Variants in KIAA0319L observed in about 807,000 individuals in gnomAD.
KIAA0319L encodes the protein dyslexia-associated protein KIAA0319-like protein.
A neutral mutation model predicts 120.1 loss-of-function variants in KIAA0319L; 55 were observed. That is an observed-to-expected ratio of 0.46 (90% CI 0.37 to 0.57). The LOEUF (loss-of-function observed/expected upper bound fraction) is 0.57, where lower values mean the gene tolerates loss of function less well. KIAA0319L is among the 20% of genes least tolerant of loss of function. The pLI is 0.00. For missense variants in KIAA0319L, 1,049 were observed against 1,255.3 expected (o/e 0.84, Z 2.48); for synonymous variants, 398 against 471.9 (o/e 0.84, Z 2.03).
At chr1:35,504,367 T>A (rs941374161) in intron 3 of KIAA0319L, among the ~76,000 whole-genome samples, 26 of 152,098 alleles carry the variant, frequency 1.7e-4, no homozygotes, top group Non-Finnish European at 3.5e-4. Context: ...CGGCTAACTT[T>A]TTGTATTTTT....
intron 8 of KIAA0319L, among the ~76,000 whole-genome samples, chr1:35,461,965 G>A (rs940865542): frequency 3.3e-5 from 5 of 151,920 alleles, no homozygotes; most frequent in Non-Finnish European, 7.4e-5. Context: ...GACCTTAACC[G>A]GTCTCAAAAA....
rs530871136 is a variant in KIAA0319L, at chr1:35,518,422, T to C, written c.143-11287A>G. ...ATCATGTCTTTTGCAGGAACATGGA[T>C]AGACCTGGAGGCTATTATCTTTAGC... On this transcript the variant is annotated intron_variant, in intron 2 of 20. Coordinates refer to ENST00000325722, the MANE Select transcript of KIAA0319L (RefSeq NM_024874.5). Among the ~76,000 whole-genome samples the C allele has an allele frequency of 7.4e-4, 113 of 152,302 alleles. No homozygotes were observed. In the South Asian group the frequency reaches 8.3e-3, roughly 11 times the overall value.
chr1:35,514,938 A>G (rs1645618988), intron 2 of KIAA0319L, among the ~76,000 whole-genome samples: 1 of 152,222 alleles, frequency 6.6e-6, no homozygotes, highest in South Asian at 2.1e-4. Flanking sequence ...CAGAATATAC[A>G]TTCTTCTTAT....
chr1:35,520,818 G>T (rs1458146232), intron 2 of KIAA0319L, among the ~76,000 whole-genome samples: 1 of 152,118 alleles, frequency 6.6e-6, no homozygotes, highest in Non-Finnish European at 1.5e-5. Flanking sequence ...AAGTTAGATG[G>T]GGGAGACAGA....
intron 1 of KIAA0319L, among the ~76,000 whole-genome samples, chr1:35,555,803 T>C (rs1038036676): frequency 1.3e-5 from 2 of 152,156 alleles, no homozygotes; most frequent in Non-Finnish European, 2.9e-5. Flanking sequence ...ACAGCTGTCA[T>C]CAATAGCCTG....
At chr1:35,556,564 G>A (rs1280996056) in intron 1 of KIAA0319L, 2 of 152,186 alleles carry the variant, frequency 1.3e-5, no homozygotes, top group Non-Finnish European at 2.9e-5. Context: ...TTTGTTCCTA[G>A]TTTTCAGTCT....
chr1:35,450,497 GGTTT>G lies in KIAA0319L; in HGVS notation c.2071_2074del (p.Lys691HisfsTer3). The G allele has an allele frequency of 1.9e-6, 3 of 1,611,562 alleles. No individual in the cohort carries two copies. Among genetic ancestry groups the G allele is most frequent in the Middle Eastern group, 1.7e-4 (1 of 6,048 alleles). On this transcript the variant is annotated frameshift_variant, in exon 14 of 21. Transcript: ENST00000325722. LOFTEE classifies it high-confidence loss of function. ...ATTCCCAGTTATCTTGGCTATAGGT[GGTTT>G]GTTTATTTCTAATCAAAAAGAAATC...
In KIAA0319L at chr1:35,434,919, C is replaced by T. The variant is rs200186246; in HGVS notation, c.3125G>A (p.Arg1042Lys). The T allele has an allele frequency of 9.9e-5, 159 of 1,613,144 alleles. No individual in the cohort carries two copies. The highest frequency in any genetic ancestry group is 1.3e-4 in the Non-Finnish European group (153 of 1,180,040). ...VPNGQTPLKA[R>K]SPREEIL Reference sequence around the variant, plus strand: ...CTACAGGATCTCCTCCCGCGGGCTCCTGGCCTTCAGAGGGGTCTGCCCGTT... The same window carrying T: ...CTACAGGATCTCCTCCCGCGGGCTCTTGGCCTTCAGAGGGGTCTGCCCGTT... The change falls in exon 21 of 21, where the codon AGG becomes AAG. Residue 1042 changes from arginine (R) to lysine (K), a missense_variant. Physicochemically the swap from Arg to Lys is conservative, Grantham distance 26. Transcript: ENST00000325722.
At chr1:35,496,947 CAA>C (rs754043280) in intron 3 of KIAA0319L, among the ~76,000 whole-genome samples, 307 of 50,166 alleles carry the variant, frequency 6.1e-3, no homozygotes, top group Non-Finnish European at 8.7e-3. Flanking sequence ...ATTGTGTCTC[CAA>C]AAAAAAAAAA....
chr1:35,529,530 G>C (rs536773779), intron 2 of KIAA0319L, among the ~76,000 whole-genome samples: 1 of 152,172 alleles, frequency 6.6e-6, no homozygotes. Context: ...CCCTGTCTGG[G>C]AAAGTCTTCA....
At chr1:35,450,997 G>A (rs1188637) in intron 13 of KIAA0319L, among the ~76,000 whole-genome samples, 1,916 of 152,274 alleles carry the variant, frequency 0.013, 48 homozygotes, top group African/African-American at 0.04. Context: ...GGAGCCCCAC[G>A]TGAAGCTCTG....
At chr1:35,490,390 G>C (rs1644547603) in intron 3 of KIAA0319L, among the ~76,000 whole-genome samples, 1 of 152,062 alleles carries the variant, frequency 6.6e-6, no homozygotes, top group South Asian at 2.1e-4. Flanking sequence ...CCACAGTCCA[G>C]AACAAAGCTC....
At chr1:35,486,082 T>A (rs1316474570) in intron 3 of KIAA0319L, among the ~76,000 whole-genome samples, 1 of 152,206 alleles carries the variant, frequency 6.6e-6, no homozygotes, top group Non-Finnish European at 1.5e-5. Context: ...CTCAAAGTAT[T>A]ACCAGCCTTT....
intron 3 of KIAA0319L, among the ~76,000 whole-genome samples, chr1:35,479,581 G>A (rs946731535): frequency 2.0e-5 from 3 of 152,070 alleles, no homozygotes; most frequent in East Asian, 3.9e-4. Context: ...AAAACTAATC[G>A]TTGAGCACTG....
At chr1:35,478,855 T>C in intron 4 of KIAA0319L, 111 bp downstream of exon 4, 1 of 1,294,314 alleles carries the variant, frequency 7.7e-7, no homozygotes, top group Non-Finnish European at 1.1e-6. Flanking sequence ...TTATTTTTTC[T>C]CTAACACACA....
At chr1:35,537,234 G>A (rs1646610407) in intron 2 of KIAA0319L, among the ~76,000 whole-genome samples, 1 of 152,068 alleles carries the variant, frequency 6.6e-6, no homozygotes, top group African/African-American at 2.4e-5. Context: ...TTAAGAATCT[G>A]CAGTTGATTG....
chr1:35,497,346 T>C (rs1169345680), intron 3 of KIAA0319L, among the ~76,000 whole-genome samples: 2 of 152,248 alleles, frequency 1.3e-5, no homozygotes, highest in Non-Finnish European at 2.9e-5. Context: ...TGTTTCCTTA[T>C]ATAAATTATA....
At position 35,464,180 on chromosome 1, in the gene KIAA0319L, C is replaced by G. The variant is rs554569651; in HGVS notation, c.1202-1467G>C. On this transcript the variant is annotated intron_variant, in intron 7 of 20. Coordinates refer to ENST00000325722, the MANE Select transcript of KIAA0319L (RefSeq NM_024874.5). ...TGGAAGCAACTTTGCAACTGGGTAACAGGTAGAGGTTCAAGCAGTTTGGAG... is the reference window on the plus strand; with the variant it reads ...TGGAAGCAACTTTGCAACTGGGTAAGAGGTAGAGGTTCAAGCAGTTTGGAG... 2.6e-5 allele frequency among the ~76,000 whole-genome samples: 4 copies of G among 152,206 alleles called. No individual in the cohort carries two copies. In the South Asian group the frequency reaches 8.3e-4, roughly 32 times the overall value.
intron 3 of KIAA0319L, among the ~76,000 whole-genome samples, chr1:35,500,757 A>T (rs1250505812): frequency 2.0e-5 from 3 of 152,196 alleles, no homozygotes; most frequent in Non-Finnish European, 4.4e-5. Flanking sequence ...CTAGTGCATT[A>T]AGCAGAAGTT....
Sources: allele counts gnomAD v4.1 joint callset (sites outside exome capture counted in the v4.1 genomes callset), GRCh38; gene constraint gnomAD v4.1.1; transcripts MANE v1.5; gene names NCBI Gene and HGNC (gene_info 2026-07-23, HGNC 2026-07-21).